The following NEB variants were observed in gnomAD, a reference collection of about 807,000 sequenced individuals.
NEB encodes nebulin.
NEB carries 512 observed loss-of-function variants against 952.2 expected under a neutral mutation model. That is an observed-to-expected ratio of 0.54 (90% CI 0.50 to 0.58). NEB has a LOEUF of 0.58. Ranked by LOEUF, NEB falls within the 20% of genes least tolerant of loss-of-function variation. The pLI, the probability that NEB is intolerant of heterozygous loss-of-function variation, is 0.00. For missense variants in NEB, 8,428 were observed against 9,231.1 expected (o/e 0.91, Z 3.56); for synonymous variants, 2,900 against 3,149.8 (o/e 0.92, Z 2.66).
Position 151,672,643 on chromosome 2 carries a change from T to C in NEB, c.4025A>G (p.Lys1342Arg), listed in dbSNP as rs1380034000. 1 of 1,613,930 alleles carries C rather than the reference T, an allele frequency of 6.2e-7. No individual in the cohort carries two copies. Among genetic ancestry groups the C allele is most frequent in the African/African-American group, 1.3e-5 (1 of 75,034 alleles). ...CTGGAGGCTTCTGAAACCCACATGC[T>C]TTCCCTTTGACTTCTCATAAGCTTC... ...YKEAYEKSKG[K>R]HVGFRSLQDD... Residue 1342 changes from lysine to arginine, a missense_variant, in exon 37 of 182, where the codon AAG becomes AGG. This residue lies in a region of NEB where 2,851 missense variants were observed against 2,791.5 expected (regional missense o/e 1.02). Transcript: ENST00000397345.
intron 118 of NEB, 33 bp downstream of exon 118, chr2:151,563,790 C>G (rs1297152350): frequency 1.9e-6 from 3 of 1,611,170 alleles, no homozygotes; most frequent in Admixed American, 3.3e-5. Context: ...AGTAAAGACT[C>G]TCAAACTTAG....
At chr2:151,617,309 C>T in intron 75 of NEB, 55 bp downstream of exon 75, 1 of 1,221,726 alleles carries the variant, frequency 8.2e-7, no homozygotes, top group Non-Finnish European at 1.2e-6. Flanking sequence ...AAGGAAACAG[C>T]TACAGTGGTT....
Position 151,570,522 on chromosome 2 carries a change from T to C in NEB, c.17093A>G (p.Lys5698Arg). ...GTCACTGGCAATCTCCCTGGAGGCC[T>C]TGGCAGCCTGGATGGGGATGGCATC... Reference protein sequence around the residue: ...RLDAIPIQAAKASREIASDYK... With the variant: ...RLDAIPIQAARASREIASDYK... Residue 5698 changes from lysine (K) to arginine (R), a missense_variant, in exon 108 of 182, where the codon AAG becomes AGG. Around this residue, in one of 11 missense-constraint regions of NEB, gnomAD observed 3,374 missense variants for 3,651.5 expected, o/e 0.92. Transcript: ENST00000397345. 6.2e-7 allele frequency: 1 copy of C among 1,611,296 alleles called. No homozygotes were observed. Among genetic ancestry groups the C allele is most frequent in the Non-Finnish European group, 8.5e-7 (1 of 1,179,004 alleles).
chr2:151,488,584 T>G (rs2152725731), intron 181 of NEB, among the ~76,000 whole-genome samples: 1 of 152,168 alleles, frequency 6.6e-6, no homozygotes. Flanking sequence ...AAGTCGAGAC[T>G]GCAGCGAGCT....
In NEB at chr2:151,690,727, A is replaced by G. The variant is rs975425035; in HGVS notation, c.2310T>C (p.Asp770=). The change falls in exon 24 of 182, where the codon GAT becomes GAC. Residue 770 remains aspartate (D), a splice_region_variant and synonymous_variant. Transcript: ENST00000397345. The part of the protein sequence containing the change: ...QAQLNTKQLS[D]LNYKAKHEGE... ...CGCTTGCATAAATCAAAGCACTTAC[A>G]TCACTAAGCTGTTTCGTGTTGAGCT... is the stretch of plus-strand genomic sequence containing the variant. 5.1e-6 allele frequency: 8 copies of G among 1,581,560 alleles called. No homozygotes were observed. The African/African-American group carries it at 8.1e-5, about 16-fold the overall frequency.
In NEB at chr2:151,684,822, T is replaced by C; in HGVS notation, c.2791A>G (p.Ile931Val). 3 of 1,613,196 alleles carry C rather than the reference T, an allele frequency of 1.9e-6. No individual in the cohort carries two copies. The highest frequency in any genetic ancestry group is 1.3e-5 in the African/African-American group (1 of 75,054). The stretch of plus-strand genomic sequence containing the variant: ...GCCTTCTTGGCAAGGTCCACATTGA[T>C]GCTATCAGGGGGGTAGCTGTAACTG... ...LHSYSYPPDS[I>V]NVDLAKKAYA... Residue 931 changes from isoleucine to valine, a missense_variant, in exon 28 of 182, where the codon ATC becomes GTC. Around this residue, in one of 11 missense-constraint regions of NEB, gnomAD observed 2,851 missense variants for 2,791.5 expected, o/e 1.02. Coordinates refer to ENST00000397345, the MANE Select transcript of NEB (RefSeq NM_001164508.2).
intron 35 of NEB, 49 bp from the exon 36 acceptor site, chr2:151,674,633 A>G (rs753943333): frequency 1.4e-5 from 19 of 1,345,532 alleles, no homozygotes; most frequent in Admixed American, 1.7e-5. Context: ...TGATTCCTCA[A>G]CTGCTGGGAT....
intron 135 of NEB, among the ~76,000 whole-genome samples, chr2:151,545,460 A>G (rs1367347537): frequency 3.9e-5 from 6 of 152,080 alleles, no homozygotes; most frequent in African/African-American, 1.4e-4. Context: ...CTGTAATCCC[A>G]GCTACTCTGG....
chr2:151,704,241 G>A (rs1442288250), intron 13 of NEB, among the ~76,000 whole-genome samples: 6 of 69,512 alleles, frequency 8.6e-5, no homozygotes, highest in Admixed American at 3.3e-4. Context: ...CTGCGTGCTG[G>A]GAGAACCACT....
rs1553548666 is a variant in NEB at position 151,682,685 on chromosome 2, G to A, written c.2920C>T (p.Arg974Ter). The A allele has an allele frequency of 3.1e-6, 5 of 1,612,606 alleles. No individual in the cohort carries two copies. Among genetic ancestry groups the A allele is most frequent in the South Asian group, 2.2e-5 (2 of 90,872 alleles). ...FGSLEMEKAK[R>*]ASDILNEKKY... ...ACCTCATTGAGGATGTCTGAAGCTC[G>A]CTTTGCCTTTTCCATTTCTAAGGAC... is the stretch of plus-strand genomic sequence containing the variant. Residue 974 changes from arginine to a stop codon, truncating the protein, a stop_gained, in exon 29 of 182, where the codon CGA (arginine) becomes TGA (stop). Coordinates refer to ENST00000397345, the MANE Select transcript of NEB (RefSeq NM_001164508.2). LOFTEE classifies it high-confidence loss of function.
chr2:151,540,804 G>GAAT lies in NEB; in HGVS notation c.20683-6_20683-4dup, dbSNP rs2093936618. On this transcript the variant is annotated splice_polypyrimidine_tract_variant and splice_region_variant and intron_variant, in intron 136 of 181. Coordinates refer to ENST00000397345, the MANE Select transcript of NEB (RefSeq NM_001164508.2). Reference sequence around the variant, plus strand: ...GTGGCAAGTTCAACATACAGATACTGAATAATAGAAGAAAGTGAGGTGTCA... The same window carrying GAAT: ...GTGGCAAGTTCAACATACAGATACTGAATAATAATAGAAGAAAGTGAGGTGTCA... The GAAT allele has an allele frequency of 6.2e-7, 1 of 1,605,362 alleles. No homozygotes were observed. Among genetic ancestry groups the GAAT allele is most frequent in the Admixed American group, 1.7e-5 (1 of 59,956 alleles).
chr2:151,730,616 GAAAAAAAAAAA>G (rs869176689), intron 3 of NEB, among the ~76,000 whole-genome samples: 1 of 124,270 alleles, frequency 8.0e-6, no homozygotes, highest in East Asian at 2.6e-4. Context: ...ATTTCTTAGT[GAAAAAAAAAAA>G]AAAAAAAAAA....
At chr2:151,554,118 A>C (rs762364971) in intron 125 of NEB, 93 bp from the exon 126 acceptor site, 15 of 1,157,784 alleles carry the variant, frequency 1.3e-5, no homozygotes, top group Non-Finnish European at 1.8e-5. Flanking sequence ...ACTCACAGCG[A>C]ACAGTTGGGG....
Position 151,652,695 on chromosome 2 carries a change from TA to T in NEB, c.6915+1296del, listed in dbSNP as rs375883374. Among the ~76,000 whole-genome samples the T allele has an allele frequency of 7.9e-3, 1,206 of 152,286 alleles. 3 individuals are homozygous for T. The highest frequency in any genetic ancestry group is 0.013 in the Non-Finnish European group (851 of 68,006). ...ATTGTTTTAATTTTCTGAAAATTTA[TA>T]AATACAAGGACATTTGAAATTGAGG... On this transcript the variant is annotated intron_variant, in intron 52 of 181. Transcript: ENST00000397345.
rs2099344306 is a variant in NEB, at chr2:151,674,587, G to A, written c.3880-3C>T. 1.3e-6 allele frequency: 2 copies of A among 1,588,592 alleles called. No homozygotes were observed. The highest frequency in any genetic ancestry group is 1.7e-6 in the Non-Finnish European group (2 of 1,157,632). ...TACCAATCCCGTTTATAACAGACCT[G>A]GACAGAAAAGCAAACAGAATGTCAG... On this transcript the variant is annotated splice_polypyrimidine_tract_variant and splice_region_variant and intron_variant, in intron 35 of 181. Transcript: ENST00000397345.
chr2:151,672,555 C>T lies in NEB; in HGVS notation c.4113G>A (p.Lys1371=), dbSNP rs2099313660. 15 of 1,614,002 alleles carry T rather than the reference C, an allele frequency of 9.3e-6. No homozygotes were observed. Among genetic ancestry groups the T allele is most frequent in the Non-Finnish European group, 1.3e-5 (15 of 1,179,896 alleles). The change falls in exon 37 of 182, where the codon AAG becomes AAA. Residue 1371 remains lysine (K), a synonymous_variant. Coordinates refer to ENST00000397345, the MANE Select transcript of NEB (RefSeq NM_001164508.2). ...VAKLQSDREY[K]KNYENTKTSY... ...TGGTTTTGGTGTTCTCATAGTTCTT[C>T]TTGTATTCACGATCAGACTGCAGCT...
chr2:151,727,279 C>G (rs1342067015), intron 5 of NEB, among the ~76,000 whole-genome samples: 1 of 152,150 alleles, frequency 6.6e-6, no homozygotes, highest in African/African-American at 2.4e-5. Context: ...CTATACACCT[C>G]TTTACATACC....
At position 151,546,357 on chromosome 2, in the gene NEB, C is replaced by G. The variant is rs374662309; in HGVS notation, c.20454G>C (p.Leu6818=). Residue 6818 remains leucine (L), a synonymous_variant, in exon 134 of 182, where the codon CTG becomes CTC. Transcript: ENST00000397345. ...GATGTGCACTCACCCAGAGCTTCCGCAGGTGCCGGGAGCGGACCATGTCAG... is the reference window on the plus strand; with the variant it reads ...GATGTGCACTCACCCAGAGCTTCCGGAGGTGCCGGGAGCGGACCATGTCAG... ...DTPDMVRSRH[L]RKLWSNYLYT... is the part of the protein sequence containing the mutation. The G allele has an allele frequency of 1.2e-5, 20 of 1,612,156 alleles. No individual in the cohort carries two copies. In the African/African-American group the frequency reaches 2.3e-4, roughly 18 times the overall value.
intron 111 of NEB, 55 bp downstream of exon 111, chr2:151,568,563 G>A (rs2096514332): frequency 1.4e-6 from 2 of 1,478,196 alleles, no homozygotes; most frequent in Non-Finnish European, 1.9e-6. Context: ...AGATGGAAAA[G>A]CTTTGGAAGT....
Sources: gnomAD v4.1 joint callset for allele counts (sites outside exome capture counted in the v4.1 genomes callset) on GRCh38, gnomAD v4.1.1 for gene constraint, gnomAD v4.1.1 regional missense constraint, MANE v1.5 for transcripts, NCBI Gene and HGNC (gene_info 2026-07-23, HGNC 2026-07-21) for gene names.